PRKD1: variants seen among roughly 807,000 people sequenced by gnomAD.
PRKD1 encodes the protein serine/threonine-protein kinase D1.
A neutral mutation model predicts 95.9 loss-of-function variants in PRKD1; 63 were observed. The ratio of observed to expected loss-of-function variants is 0.66; its 90% confidence interval spans 0.54 to 0.81. The LOEUF (loss-of-function observed/expected upper bound fraction) is 0.81, where lower values mean the gene tolerates loss of function less well. PRKD1 is among the 30% of genes least tolerant of loss of function. PRKD1 has a pLI of 0.00. For synonymous variants in PRKD1, 425 were observed against 423.1 expected (o/e 1.00, Z -0.05); for missense variants, 1,048 against 1,165.3 (o/e 0.90, Z 1.47).
chr14:29,826,435 AATATATATATACAT>A lies in PRKD1; in HGVS notation c.265-100775_265-100762del, dbSNP rs1891117067. ...GAATATATATATACATATATGATGG[AATATATATATACAT>A]ATATATGATGGAATATATATACATA... On this transcript the variant is annotated intron_variant, in intron 1 of 17. Coordinates refer to ENST00000331968, the MANE Select transcript of PRKD1 (RefSeq NM_002742.3). Among the ~76,000 whole-genome samples, 18 of 100,604 alleles carry A rather than the reference AATATATATATACAT, an allele frequency of 1.8e-4. 1 individual carries two copies. The highest frequency in any genetic ancestry group is 6.8e-4 in the Admixed American group (5 of 7,392). The allele number at this position is 100,604 out of a possible 152,430, so 66.0% of individuals were successfully genotyped here. A position where few individuals can be genotyped will look rare whatever the true frequency, so the allele number is the denominator to read the frequency against.
intron 1 of PRKD1, among the ~76,000 whole-genome samples, chr14:29,752,289 T>A (rs1887513050): frequency 6.6e-6 from 1 of 152,170 alleles, no homozygotes; most frequent in Admixed American, 6.6e-5. Context: ...GTTAAACACT[T>A]ATTCCCTCAA....
chr14:29,706,344 C>T (rs1256101246), intron 2 of PRKD1, among the ~76,000 whole-genome samples: 1 of 152,034 alleles, frequency 6.6e-6, no homozygotes. Flanking sequence ...AATCCATATG[C>T]GTTATTCTTG....
intron 6 of PRKD1, among the ~76,000 whole-genome samples, chr14:29,637,188 G>A (rs181059044): frequency 1.4e-4 from 21 of 152,208 alleles, no homozygotes; most frequent in Non-Finnish European, 2.1e-4. Context: ...TATGTAAGAG[G>A]ATGACAGAAA....
chr14:29,673,991 T>C (rs1169989914), intron 2 of PRKD1, among the ~76,000 whole-genome samples: 1 of 152,124 alleles, frequency 6.6e-6, no homozygotes, highest in Admixed American at 6.5e-5. Context: ...ATGGGCTTCG[T>C]GTGATGCATC....
intron 4 of PRKD1, among the ~76,000 whole-genome samples, chr14:29,642,783 C>T (rs372074754): frequency 3.3e-5 from 5 of 152,074 alleles, no homozygotes; most frequent in Non-Finnish European, 2.9e-5. Context: ...TCTTCCTTAC[C>T]GTCAACACTA....
intron 1 of PRKD1, among the ~76,000 whole-genome samples, chr14:29,765,130 C>T (rs1399734003): frequency 2.0e-5 from 3 of 152,096 alleles, no homozygotes; most frequent in African/African-American, 7.2e-5. Context: ...AGTGTACCTT[C>T]ATTCTAGAAC....
chr14:29,757,418 A>C (rs1431009395), intron 1 of PRKD1, among the ~76,000 whole-genome samples: 1 of 152,120 alleles, frequency 6.6e-6, no homozygotes. Flanking sequence ...CTATCATCTC[A>C]CCTGAGGTTT....
chr14:29,704,771 A>C (rs749478551), intron 2 of PRKD1, among the ~76,000 whole-genome samples: 1 of 152,190 alleles, frequency 6.6e-6, no homozygotes. Context: ...CAGGTATTTT[A>C]AATGAGTTAT....
At chr14:29,684,313 A>G (rs1172766057) in intron 2 of PRKD1, among the ~76,000 whole-genome samples, 2 of 151,828 alleles carry the variant, frequency 1.3e-5, no homozygotes, top group Non-Finnish European at 2.9e-5. Context: ...ACCATGCCTG[A>G]CTAATTAGAG....
chr14:29,711,244 C>T (rs891485246), intron 2 of PRKD1, among the ~76,000 whole-genome samples: 1 of 151,928 alleles, frequency 6.6e-6, no homozygotes, highest in Non-Finnish European at 1.5e-5. Flanking sequence ...GTTAGAAAGT[C>T]CAATGTATTC....
At chr14:29,686,755 T>G in intron 2 of PRKD1, among the ~76,000 whole-genome samples, 1 of 152,344 alleles carries the variant, frequency 6.6e-6, no homozygotes, top group South Asian at 2.1e-4. Flanking sequence ...ATTACTTGCT[T>G]AATGAAACGT....
intron 2 of PRKD1, among the ~76,000 whole-genome samples, chr14:29,700,986 G>GCACACACACACACACACACACACA (rs779729017): frequency 0.016 from 852 of 52,238 alleles, 11 homozygotes; most frequent in African/African-American, 0.051. Flanking sequence ...GCGCGCGCGC[G>GCACACACACACACACACACACACA]CGCACACACA....
intron 1 of PRKD1, among the ~76,000 whole-genome samples, chr14:29,866,425 C>G (rs576587388): frequency 3.6e-3 from 549 of 152,292 alleles, no homozygotes; most frequent in Non-Finnish European, 6.2e-3. Context: ...CTTCCATGAT[C>G]AAATATTTTC....
chr14:29,797,980 A>G (rs1382496298), intron 1 of PRKD1, among the ~76,000 whole-genome samples: 1 of 152,250 alleles, frequency 6.6e-6, no homozygotes, highest in Non-Finnish European at 1.5e-5. Flanking sequence ...CTGTAATTAC[A>G]GAACTCAATG....
intron 1 of PRKD1, among the ~76,000 whole-genome samples, chr14:29,891,881 A>C (rs1276028603): frequency 6.6e-6 from 1 of 152,164 alleles, no homozygotes; most frequent in Non-Finnish European, 1.5e-5. Context: ...ACACCAAAAT[A>C]ATCTAATCTA....
intron 1 of PRKD1, among the ~76,000 whole-genome samples, chr14:29,790,231 C>T (rs1476923347): frequency 1.3e-5 from 2 of 151,610 alleles, no homozygotes; most frequent in African/African-American, 2.4e-5. Flanking sequence ...AGGATGGTCT[C>T]GATCTCTTGA....
At chr14:29,767,435 C>A (rs28626503) in intron 1 of PRKD1, among the ~76,000 whole-genome samples, 4 of 152,066 alleles carry the variant, frequency 2.6e-5, no homozygotes, top group African/African-American at 4.8e-5. Flanking sequence ...GTGGTTATAC[C>A]TTTTGGAGCC....
At chr14:29,785,678 G>A (rs892530892) in intron 1 of PRKD1, among the ~76,000 whole-genome samples, 1 of 151,120 alleles carries the variant, frequency 6.6e-6, no homozygotes, top group Non-Finnish European at 1.5e-5. Context: ...GTTGTGGGGT[G>A]GGGGGAAGGG....
At chr14:29,627,710 C>T (rs945800777) in intron 11 of PRKD1, among the ~76,000 whole-genome samples, 1 of 151,940 alleles carries the variant, frequency 6.6e-6, no homozygotes, top group Non-Finnish European at 1.5e-5. Flanking sequence ...AAAAAGAAGC[C>T]CTTTAATATC....
Sources: gnomAD v4.1 joint callset for allele counts (sites outside exome capture counted in the v4.1 genomes callset) on GRCh38, gnomAD v4.1.1 for gene constraint, MANE v1.5 for transcripts, NCBI Gene and HGNC (gene_info 2026-07-23, HGNC 2026-07-21) for gene names.